The following ABCA13 variants were observed in gnomAD, a reference collection of about 807,000 sequenced individuals.
ABCA13 encodes the protein ATP-binding cassette sub-family A member 13.
In ABCA13, 476 loss-of-function variants were observed where a neutral mutation model predicts 478.7. The ratio of observed to expected loss-of-function variants is 0.99; its 90% CI spans 0.92 to 1.07. The LOEUF (loss-of-function observed/expected upper bound fraction) is 1.07, where lower values mean the gene tolerates loss of function less well. Among genes scored for constraint, ABCA13 ranks in the 50% least tolerant of loss-of-function variants. The pLI is 0.00. For missense variants in ABCA13, 6,060 were observed against 5,910.6 expected, an observed-to-expected ratio of 1.03 and a Z score of -0.83; for synonymous variants, 2,252 against 2,158.9, an observed-to-expected ratio of 1.04 and a Z score of -1.20.
chr7:48,593,842 A>G (rs1790010615), intron 57 of ABCA13, among the ~76,000 whole-genome samples: 1 of 151,354 alleles, frequency 6.6e-6, no homozygotes, highest in African/African-American at 2.4e-5. Context: ...AAGTAGGTAA[A>G]GTATTTTTAT....
intron 57 of ABCA13, among the ~76,000 whole-genome samples, chr7:48,594,073 C>T (rs184360805): frequency 6.1e-4 from 93 of 152,054 alleles, no homozygotes; most frequent in African/African-American, 2.2e-3. Context: ...CTTCATATAT[C>T]TTGATGTTCA....
At chr7:48,480,355 C>G (rs1356599344) in intron 45 of ABCA13, among the ~76,000 whole-genome samples, 1 of 152,220 alleles carries the variant, frequency 6.6e-6, no homozygotes, top group African/African-American at 2.4e-5. Context: ...GCAGCAAGAC[C>G]AAACCCCTGG....
intron 27 of ABCA13, among the ~76,000 whole-genome samples, chr7:48,323,006 A>G (rs1002611628): frequency 1.3e-5 from 2 of 152,120 alleles, no homozygotes; most frequent in Admixed American, 1.3e-4. Flanking sequence ...CACCCAGGTC[A>G]TTGTGTGTAT....
Position 48,423,535 on chromosome 7 carries a change from G to A in ABCA13, c.12460-4231G>A, listed in dbSNP as rs529981879. On this transcript the variant is annotated intron_variant, in intron 41 of 61. Coordinates refer to ENST00000435803, the MANE Select transcript of ABCA13 (RefSeq NM_152701.5). Reference sequence around the variant, plus strand: ...CTTTAAACAGAGAACCCAAAAGGATGGGGCATAGGACTCATGGCTGAGGGA... The same window carrying A: ...CTTTAAACAGAGAACCCAAAAGGATAGGGCATAGGACTCATGGCTGAGGGA... 3.9e-5 allele frequency among the ~76,000 whole-genome samples: 6 copies of A among 152,216 alleles called. No homozygotes were observed. In the South Asian group the frequency reaches 1.2e-3, roughly 32 times the overall value.
At position 48,516,777 on chromosome 7, in the gene ABCA13, G is replaced by A. The variant is rs763574573; in HGVS notation, c.13693G>A (p.Asp4565Asn). ...YLMSRIFSSS[D>N]VAFISYVSLN... The stretch of plus-strand genomic sequence containing the variant: ...GATGTCCAGAATCTTTTCCAGTTCG[G>A]ACGTGGCTTTCATTTCCTATGTCTC... Residue 4565 changes from aspartate to asparagine, a missense_variant, in exon 52 of 62, where the codon GAC (aspartate) becomes AAC (asparagine). Transcript: ENST00000435803. 6.2e-7 allele frequency: 1 copy of A among 1,613,798 alleles called. No homozygotes were observed. Among genetic ancestry groups the A allele is most frequent in the East Asian group, 2.2e-5 (1 of 44,858 alleles).
chr7:48,492,090 C>T (rs1194133804), intron 48 of ABCA13, among the ~76,000 whole-genome samples: 2 of 152,112 alleles, frequency 1.3e-5, no homozygotes, highest in East Asian at 1.9e-4. Flanking sequence ...TGATGCAGGC[C>T]GCTTGATAAG....
In ABCA13 at chr7:48,489,362, G is replaced by A. The variant is rs1362963505; in HGVS notation, c.13291+18G>A. ...ACAATACGGTAATGTTATTTTTCAT[G>A]CATTGTAATTCACTACTTTCAAAAG... On this transcript the variant is annotated intron_variant, in intron 48 of 61. Transcript: ENST00000435803. 2 of 1,543,190 alleles carry A rather than the reference G, an allele frequency of 1.3e-6. No individual in the cohort carries two copies. The highest frequency in any genetic ancestry group is 1.8e-6 in the Non-Finnish European group (2 of 1,125,868).
intron 47 of ABCA13, among the ~76,000 whole-genome samples, chr7:48,486,248 T>A (rs1004827132): frequency 6.6e-6 from 1 of 152,186 alleles, no homozygotes; most frequent in Non-Finnish European, 1.5e-5. Context: ...CTTAGCAGCA[T>A]CATTCTTTGA....
At position 48,644,682 on chromosome 7, in the gene ABCA13, C is replaced by T; in HGVS notation, c.15009C>T (p.Phe5003=). The T allele has an allele frequency of 1.2e-6, 2 of 1,600,072 alleles. No homozygotes were observed. Among genetic ancestry groups the T allele is most frequent in the Non-Finnish European group, 1.7e-6 (2 of 1,174,760 alleles). The change falls in exon 61 of 62, where the codon TTC becomes TTT. Residue 5003 remains phenylalanine, a synonymous_variant. Coordinates refer to ENST00000435803, the MANE Select transcript of ABCA13 (RefSeq NM_152701.5). ...GATGGGGATGCCTAGCTGACTTGTT[C>T]AAAGTTATAGAGAACAATAAAACCT... is the stretch of plus-strand genomic sequence containing the variant. ...PKRWGCLADL[F]KVIENNKTFL... is the part of the protein sequence containing the mutation.
rs1212098367 is a variant in ABCA13 at position 48,212,751 on chromosome 7, TTAAA to T, written c.288-6600_288-6597del. ...AATATTTTTTGAGGAAAGTGTCTGT[TTAAA>T]TATTTTATGCAATTGATTTTTTATT... is the stretch of plus-strand genomic sequence containing the variant. On this transcript the variant is annotated intron_variant, in intron 3 of 61. Transcript: ENST00000435803. Among the ~76,000 whole-genome samples the T allele has an allele frequency of 3.9e-5, 6 of 152,316 alleles. No homozygotes were observed. The South Asian group carries it at 1.2e-3, about 32-fold the overall frequency.
At chr7:48,330,470 T>C (rs1029253938) in intron 27 of ABCA13, among the ~76,000 whole-genome samples, 4 of 147,490 alleles carry the variant, frequency 2.7e-5, no homozygotes, top group African/African-American at 7.6e-5. Flanking sequence ...CATTCATCTG[T>C]TTGTCCATCC....
intron 3 of ABCA13, among the ~76,000 whole-genome samples, chr7:48,217,416 A>T (rs1019580803): frequency 1.3e-5 from 2 of 152,206 alleles, no homozygotes; most frequent in African/African-American, 2.4e-5. Flanking sequence ...TGTAGTCCTT[A>T]TGCTGAAAAT....
In ABCA13 at chr7:48,275,035, A is replaced by G. The variant is rs751264927; in HGVS notation, c.5369A>G (p.Asp1790Gly). The G allele has an allele frequency of 1.9e-6, 3 of 1,613,914 alleles. No individual in the cohort carries two copies. In the African/African-American group the frequency reaches 4.0e-5, roughly 22 times the overall value. Residue 1790 changes from aspartate to glycine, a missense_variant, in exon 17 of 62, where the codon GAC becomes GGC. Transcript: ENST00000435803. ...GITISNITKE[D>G]FAIVIKILLD... ...ACCATTTCAAATATCACCAAGGAAG[A>G]CTTCGCAATTGTGATAAAAATTCTT...
chr7:48,562,944 A>G (rs1414329744), intron 55 of ABCA13, among the ~76,000 whole-genome samples: 4 of 124,048 alleles, frequency 3.2e-5, no homozygotes, highest in Admixed American at 8.1e-5. Flanking sequence ...GAGTTATTAC[A>G]TATATGTATG....
At chr7:48,350,545 T>C in intron 29 of ABCA13, 98 bp from the exon 30 acceptor site, 4 of 1,334,652 alleles carry the variant, frequency 3.0e-6, no homozygotes, top group Non-Finnish European at 4.0e-6. Context: ...AGAATTCATA[T>C]TCATTTTCAA....
At chr7:48,482,983 G>T (rs1421044870) in intron 46 of ABCA13, 93 bp from the exon 47 acceptor site, 1 of 970,610 alleles carries the variant, frequency 1.0e-6, no homozygotes, top group African/African-American at 1.6e-5. Flanking sequence ...TCCTAAGACT[G>T]CTGTACCTGG....
At chr7:48,611,652 C>G (rs1219102055) in intron 58 of ABCA13, among the ~76,000 whole-genome samples, 1 of 152,160 alleles carries the variant, frequency 6.6e-6, no homozygotes, top group Non-Finnish European at 1.5e-5. Context: ...CAAGAACTCA[C>G]TATCATGAGA....
In ABCA13 at chr7:48,645,493, C is replaced by T; in HGVS notation, c.15158C>T (p.Thr5053Ile). 1 of 1,587,912 alleles carries T rather than the reference C, an allele frequency of 6.3e-7. No individual in the cohort carries two copies. The highest frequency in any genetic ancestry group is 8.6e-7 in the Non-Finnish European group (1 of 1,165,916). The stretch of plus-strand genomic sequence containing the variant: ...GATCCATCCACTGACAGTCACCACA[C>T]ACATCACTTGCCCATCTGAGCACTA... ...TLDPSTDSHH[T>I]HHLPI The change falls in exon 62 of 62, where the codon ACA (threonine) becomes ATA (isoleucine). Residue 5053 changes from threonine (T) to isoleucine (I), a missense_variant. Transcript: ENST00000435803.
At chr7:48,271,680 A>G (rs1305040093) in intron 16 of ABCA13, 107 bp from the exon 17 acceptor site, 1 of 658,310 alleles carries the variant, frequency 1.5e-6, no homozygotes, top group Non-Finnish European at 2.2e-6. Context: ...TGTCTATTAA[A>G]TGTTTCATTT....
Sources: gnomAD v4.1 joint callset for allele counts (sites outside exome capture counted in the v4.1 genomes callset) on GRCh38, gnomAD v4.1.1 for gene constraint, MANE v1.5 for transcripts, NCBI Gene and HGNC (gene_info 2026-07-23, HGNC 2026-07-21) for gene names.